The following HDAC9 variants were observed in gnomAD, a reference collection of about 807,000 sequenced individuals.
HDAC9 encodes the protein histone deacetylase 9.
HDAC9 carries 41 observed loss-of-function variants against 139.4 expected under a neutral mutation model. The observed-to-expected ratio is 0.29, with a 90% CI of 0.23 to 0.38. The LOEUF is 0.38. HDAC9 is among the 10% of genes least tolerant of loss of function. The pLI, the probability that HDAC9 is intolerant of heterozygous loss-of-function variation, is 1.00. For synonymous variants in HDAC9, 517 were observed against 476.2 expected (o/e 1.09, Z -1.12); for missense variants, 1,147 against 1,297.0 (o/e 0.88, Z 1.78).
intron 12 of HDAC9, among the ~76,000 whole-genome samples, chr7:18,724,298 A>G (rs151028928): frequency 7.9e-5 from 12 of 152,258 alleles, no homozygotes; most frequent in African/African-American, 2.6e-4. Flanking sequence ...ATAGCCTACT[A>G]TGTACCTAGG....
intron 24 of HDAC9, among the ~76,000 whole-genome samples, chr7:18,955,802 C>T (rs191223674): frequency 3.9e-5 from 6 of 152,122 alleles, no homozygotes; most frequent in South Asian, 2.1e-4. Context: ...GGTTGCTTGA[C>T]GGTGATATAG....
chr7:18,445,318 A>G (rs1045950994), intron 1 of HDAC9, among the ~76,000 whole-genome samples: 3 of 152,252 alleles, frequency 2.0e-5, no homozygotes, highest in Admixed American at 2.0e-4. Context: ...TTTGATGACT[A>G]TAGTTTTCTA....
chr7:18,643,085 A>G (rs758005363), intron 8 of HDAC9, among the ~76,000 whole-genome samples: 1 of 152,140 alleles, frequency 6.6e-6, no homozygotes, highest in Non-Finnish European at 1.5e-5. Context: ...GCTAGTTAAA[A>G]TATTTTTACT....
rs1056217570 is a variant in HDAC9 at position 18,835,726 on chromosome 7, C to A, written c.2586+140C>A. 81 of 1,226,780 alleles carry A rather than the reference C, an allele frequency of 6.6e-5. 1 individual carries two copies. The South Asian group carries it at 1.0e-3, about 15-fold the overall frequency. 76.0% of individuals were successfully genotyped at this position (1,226,780 alleles called of 1,614,324 possible). A position where few individuals can be genotyped will look rare whatever the true frequency, so the allele number is the denominator to read the frequency against. ...CTGAATTGTCCCATGGGACCAAGAACCAGTGCAGAACAAGTGCATAACCCA... is the reference window on the plus strand; with the variant it reads ...CTGAATTGTCCCATGGGACCAAGAAACAGTGCAGAACAAGTGCATAACCCA... On this transcript the variant is annotated intron_variant, in intron 20 of 25. Coordinates refer to ENST00000686413, the MANE Select transcript of HDAC9 (RefSeq NM_178425.4).
chr7:18,782,729 T>C (rs1791355137), intron 16 of HDAC9, among the ~76,000 whole-genome samples: 1 of 152,046 alleles, frequency 6.6e-6, no homozygotes. Flanking sequence ...TACCATTGAC[T>C]GAGAGCTTAC....
intron 16 of HDAC9, among the ~76,000 whole-genome samples, chr7:18,782,263 A>G (rs1288125218): frequency 6.6e-6 from 1 of 152,130 alleles, no homozygotes; most frequent in Non-Finnish European, 1.5e-5. Context: ...CACAGTGCAT[A>G]TGAAACCTGT....
chr7:18,220,670 T>C (rs914600573), intron 2 of HDAC9, among the ~76,000 whole-genome samples: 2 of 152,198 alleles, frequency 1.3e-5, no homozygotes, highest in African/African-American at 4.8e-5. Context: ...TGGATAGGAA[T>C]GGTCTGATCA....
At chr7:18,846,477 G>A (rs1179213250) in intron 21 of HDAC9, among the ~76,000 whole-genome samples, 1 of 152,176 alleles carries the variant, frequency 6.6e-6, no homozygotes, top group East Asian at 1.9e-4. Flanking sequence ...TTGACAAAAT[G>A]TAAGCCCATT....
At chr7:18,119,058 G>A (rs1312689991) in intron 1 of HDAC9, among the ~76,000 whole-genome samples, 2 of 152,008 alleles carry the variant, frequency 1.3e-5, no homozygotes, top group East Asian at 3.9e-4. Context: ...CCATAATTAG[G>A]GCCAAGCAAA....
intron 1 of HDAC9, among the ~76,000 whole-genome samples, chr7:18,151,108 A>G (rs1439323439): frequency 2.0e-5 from 3 of 152,182 alleles, no homozygotes; most frequent in Non-Finnish European, 4.4e-5. Flanking sequence ...CAAAGGCTGT[A>G]TCTCTTCCCC....
At chr7:18,821,225 C>G (rs893505879) in intron 17 of HDAC9, among the ~76,000 whole-genome samples, 2 of 152,158 alleles carry the variant, frequency 1.3e-5, no homozygotes, top group Admixed American at 6.5e-5. Flanking sequence ...GCTTAAAGGC[C>G]CTACCATTTA....
chr7:18,177,183 A>T (rs532147159), intron 2 of HDAC9, among the ~76,000 whole-genome samples: 1 of 152,298 alleles, frequency 6.6e-6, no homozygotes, highest in African/African-American at 2.4e-5. Context: ...TAAGTAAGTT[A>T]TGGAAAATAA....
At chr7:18,637,264 T>TA (rs752714117) in intron 8 of HDAC9, among the ~76,000 whole-genome samples, 4 of 152,100 alleles carry the variant, frequency 2.6e-5, no homozygotes, top group African/African-American at 4.8e-5. Context: ...CTAAAGAAGA[T>TA]ACATATATTC....
chr7:18,591,584 G>GAC lies in HDAC9; in HGVS notation c.487_488dup (p.Pro164LeufsTer10). ...CCTACTGAGTAAATCAGCAACGAAA[G>GAC]ACACTCCAACTAATGGAAAAAATCA... On this transcript the variant is annotated frameshift_variant, in exon 5 of 26. Transcript: ENST00000686413. LOFTEE classifies it high-confidence loss of function. 6.2e-7 allele frequency: 1 copy of GAC among 1,613,348 alleles called. No individual in the cohort carries two copies. The highest frequency in any genetic ancestry group is 2.2e-5 in the East Asian group (1 of 44,852).
intron 1 of HDAC9, among the ~76,000 whole-genome samples, chr7:18,335,396 C>G (rs921317374): frequency 1.3e-5 from 2 of 151,446 alleles, no homozygotes; most frequent in Admixed American, 6.6e-5. Flanking sequence ...GATCCCATCT[C>G]ATGGTTCCTT....
At chr7:18,739,217 A>G (rs959454504) in intron 13 of HDAC9, among the ~76,000 whole-genome samples, 3 of 152,186 alleles carry the variant, frequency 2.0e-5, no homozygotes, top group Non-Finnish European at 4.4e-5. Flanking sequence ...AAGCTCCTTT[A>G]GCTCAGAGAT....
chr7:18,706,334 A>AT (rs937743226), intron 12 of HDAC9, among the ~76,000 whole-genome samples: 1 of 151,978 alleles, frequency 6.6e-6, no homozygotes, highest in African/African-American at 2.4e-5. Context: ...GACTTCGTTG[A>AT]TTTTTTTCAA....
chr7:18,496,129 A>G, intron 1 of HDAC9, 106 bp downstream of exon 1: 1 of 1,403,876 alleles, frequency 7.1e-7, no homozygotes, highest in Non-Finnish European at 9.8e-7. Context: ...CTCCTCAGGG[A>G]GGAGGGAGAA....
chr7:18,763,185 C>T (rs1789536074), intron 15 of HDAC9, among the ~76,000 whole-genome samples: 1 of 152,062 alleles, frequency 6.6e-6, no homozygotes, highest in African/African-American at 2.4e-5. Context: ...TTTATATTAA[C>T]TGGTCCTAAA....
Sources: allele counts gnomAD v4.1 joint callset (sites outside exome capture counted in the v4.1 genomes callset), GRCh38; gene constraint gnomAD v4.1.1; transcripts MANE v1.5; gene names NCBI Gene and HGNC (gene_info 2026-07-23, HGNC 2026-07-21).